ITPR2: variants seen among roughly 807,000 people sequenced by gnomAD.
ITPR2 encodes inositol 1,4,5-trisphosphate-gated calcium channel ITPR2.
Under a neutral mutation model 317.1 loss-of-function variants are expected in ITPR2, and 207 were observed. That is an observed-to-expected ratio of 0.65 (90% CI 0.58 to 0.73). ITPR2 has a LOEUF of 0.73. ITPR2 is among the 30% of genes least tolerant of loss of function. The pLI, the probability that ITPR2 is intolerant of heterozygous loss-of-function variation, is 0.00. For synonymous variants in ITPR2, 1,156 were observed against 1,149.1 expected (o/e 1.01, Z -0.12); for missense variants, 2,613 against 3,284.0 (o/e 0.80, Z 4.99).
rs999470975 is a variant in ITPR2 at position 26,436,482 on chromosome 12, T to G, written c.6644-136A>C. Reference sequence around the variant, plus strand: ...ATAAAAACCTATTTAAATAAATATTTGACTTGAGTAAGTTTATTAAAAACA... The same window carrying G: ...ATAAAAACCTATTTAAATAAATATTGGACTTGAGTAAGTTTATTAAAAACA... On this transcript the variant is annotated intron_variant, in intron 47 of 56. Transcript: ENST00000381340. 2.1e-5 allele frequency: 15 copies of G among 726,858 alleles called. No individual in the cohort carries two copies. In the African/African-American group the frequency reaches 2.6e-4, roughly 13 times the overall value. 45.0% of individuals were successfully genotyped at this position (726,858 alleles called of 1,614,324 possible).
intron 2 of ITPR2, among the ~76,000 whole-genome samples, chr12:26,739,152 C>T (rs529193081): frequency 6.6e-6 from 1 of 152,286 alleles, no homozygotes; most frequent in East Asian, 1.9e-4. Context: ...AAAAGAATGA[C>T]AATGTCATGT....
Position 26,336,802 on chromosome 12 carries a change from C to G in ITPR2, c.*2595G>C, listed in dbSNP as rs901050722. The G allele has an allele frequency of 2.0e-5, 3 of 152,036 alleles. No individual in the cohort carries two copies. Among genetic ancestry groups the G allele is most frequent in the Admixed American group, 1.3e-4 (2 of 15,270 alleles). The allele number at this position is 152,036 out of a possible 1,614,324, so 9.4% of individuals were successfully genotyped here. ...TTATTTTGATGTCACTATATAAATA[C>G]AAGGATGTTAACTGATACTCACCTA... On this transcript the variant is annotated 3_prime_UTR_variant, in exon 57 of 57. Transcript: ENST00000381340.
intron 37 of ITPR2, among the ~76,000 whole-genome samples, chr12:26,500,196 G>A (rs1266802001): frequency 1.3e-5 from 2 of 152,212 alleles, no homozygotes; most frequent in South Asian, 2.1e-4. Flanking sequence ...CTGTGCAGTG[G>A]TGGTAGCTTA....
At chr12:26,415,932 C>T (rs1460350847) in intron 50 of ITPR2, among the ~76,000 whole-genome samples, 2 of 152,072 alleles carry the variant, frequency 1.3e-5, no homozygotes, top group Non-Finnish European at 2.9e-5. Context: ...TTAGGTCCTC[C>T]TGAGTGATGA....
At chr12:26,603,175 A>G (rs1463192375) in intron 26 of ITPR2, among the ~76,000 whole-genome samples, 1 of 152,192 alleles carries the variant, frequency 6.6e-6, no homozygotes, top group Non-Finnish European at 1.5e-5. Flanking sequence ...GAACAACTTA[A>G]CACAACAATT....
chr12:26,817,298 G>C (rs780045877), intron 1 of ITPR2, among the ~76,000 whole-genome samples: 1 of 152,138 alleles, frequency 6.6e-6, no homozygotes, highest in East Asian at 1.9e-4. Context: ...ATAATGCTGG[G>C]TGTAATGACA....
At chr12:26,532,562 C>T (rs1040453063) in intron 37 of ITPR2, among the ~76,000 whole-genome samples, 9 of 152,068 alleles carry the variant, frequency 5.9e-5, no homozygotes, top group Non-Finnish European at 1.3e-4. Context: ...TTTAAAGTAA[C>T]TTTTTGTAAA....
intron 22 of ITPR2, among the ~76,000 whole-genome samples, chr12:26,628,629 A>G (rs1946677913): frequency 6.6e-6 from 1 of 152,172 alleles, no homozygotes; most frequent in Non-Finnish European, 1.5e-5. Context: ...AGTTTAAGTA[A>G]CAGCATCTAT....
chr12:26,775,928 C>T (rs1041889657), intron 2 of ITPR2, among the ~76,000 whole-genome samples: 1 of 29,686 alleles, frequency 3.4e-5, no homozygotes, highest in African/African-American at 7.7e-5. Flanking sequence ...ATAAACTCCC[C>T]TTTACATATA....
chr12:26,826,661 A>AC (rs1213799864), intron 1 of ITPR2, among the ~76,000 whole-genome samples: 1 of 152,208 alleles, frequency 6.6e-6, no homozygotes, highest in African/African-American at 2.4e-5. Flanking sequence ...AGTTACTGAG[A>AC]CCTTAACTTC....
At chr12:26,656,083 ATAT>A (rs1947362974) in intron 19 of ITPR2, among the ~76,000 whole-genome samples, 1 of 152,202 alleles carries the variant, frequency 6.6e-6, no homozygotes, top group Admixed American at 6.5e-5. Context: ...CATTACATCA[ATAT>A]TATTTACTGT....
intron 21 of ITPR2, among the ~76,000 whole-genome samples, chr12:26,635,573 G>A (rs1250140436): frequency 6.6e-6 from 1 of 152,140 alleles, no homozygotes; most frequent in Admixed American, 6.5e-5. Flanking sequence ...TCATAATAGA[G>A]GCCAAAAATG....
At chr12:26,567,830 T>C (rs577516781) in intron 34 of ITPR2, among the ~76,000 whole-genome samples, 2 of 149,908 alleles carry the variant, frequency 1.3e-5, no homozygotes, top group African/African-American at 4.9e-5. Context: ...AAATATTAAT[T>C]TATCATTTCA....
At chr12:26,616,168 C>T (rs1791413494) in intron 26 of ITPR2, among the ~76,000 whole-genome samples, 1 of 151,890 alleles carries the variant, frequency 6.6e-6, no homozygotes, top group Admixed American at 6.6e-5. Context: ...GACAGAGTCT[C>T]ACTCTGTTGC....
Position 26,656,327 on chromosome 12 carries a change from G to C in ITPR2, c.2414C>G (p.Thr805Arg). The C allele has an allele frequency of 6.2e-7, 1 of 1,614,112 alleles. No individual in the cohort carries two copies. Among genetic ancestry groups the C allele is most frequent in the Non-Finnish European group, 8.5e-7 (1 of 1,180,034 alleles). ...VVPVRYARLW[T>R]EIPTKITIHE... ...AATTGTGATCTTTGTGGGGATTTCT[G>C]TCCAGAGCCTGGCATAGCGAACAGG... Residue 805 changes from threonine to arginine, a missense_variant, in exon 19 of 57, where the codon ACA (threonine) becomes AGA (arginine). Transcript: ENST00000381340.
chr12:26,407,902 G>C (rs1940406992), intron 52 of ITPR2, among the ~76,000 whole-genome samples: 1 of 152,190 alleles, frequency 6.6e-6, no homozygotes, highest in Non-Finnish European at 1.5e-5. Flanking sequence ...AAATGAGTAA[G>C]CCTTCTCCAG....
In ITPR2 at chr12:26,656,469, C is replaced by G. The variant is rs762139948; in HGVS notation, c.2272G>C (p.Val758Leu). The change falls in exon 19 of 57, where the codon GTA (valine) becomes CTA (leucine). Residue 758 changes from valine (V) to leucine (L), a missense_variant. Physicochemically the swap from Val to Leu is conservative, Grantham distance 32 (BLOSUM62 1). Coordinates refer to ENST00000381340, the MANE Select transcript of ITPR2 (RefSeq NM_002223.4). ...AINQISTQLS[V>L]DLILRCVSDE... is the part of the protein sequence containing the mutation. ...GACACACACCGCAGGATCAGGTCTA[C>G]AGACAGCTGTGTAGAAATCTGGTTT... 1 of 1,614,252 alleles carries G rather than the reference C, an allele frequency of 6.2e-7. No homozygotes were observed.
chr12:26,508,397 AGAGATTTAACCTTT>A (rs942169680), intron 37 of ITPR2, among the ~76,000 whole-genome samples: 4 of 152,192 alleles, frequency 2.6e-5, no homozygotes, highest in African/African-American at 9.6e-5. Context: ...ACAGAAATTT[AGAGATTTAACCTTT>A]GCAATCGAAC....
At chr12:26,583,401 A>G (rs1945448834) in intron 32 of ITPR2, among the ~76,000 whole-genome samples, 2 of 152,006 alleles carry the variant, frequency 1.3e-5, no homozygotes, top group East Asian at 3.9e-4. Flanking sequence ...TTTCATATGT[A>G]TTTTTGCATT....
Sources: gnomAD v4.1 joint callset for allele counts (sites outside exome capture counted in the v4.1 genomes callset) on GRCh38, gnomAD v4.1.1 for gene constraint, MANE v1.5 for transcripts, NCBI Gene and HGNC (gene_info 2026-07-23, HGNC 2026-07-21) for gene names.